The following MAPK6 variants were observed in gnomAD, a reference collection of about 807,000 sequenced individuals.
MAPK6 encodes ERK-3.
MAPK6 carries 19 observed loss-of-function variants against 59.3 expected under a neutral mutation model. The observed-to-expected ratio is 0.32, with a 90% CI of 0.22 to 0.47. The LOEUF (loss-of-function observed/expected upper bound fraction) is 0.47, where lower values mean the gene tolerates loss of function less well. MAPK6 is among the 20% of genes least tolerant of loss of function. MAPK6 has a pLI of 1.00. For synonymous variants in MAPK6, 316 were observed against 290.3 expected (o/e 1.09, Z -0.90); for missense variants, 724 against 847.9 (o/e 0.85, Z 1.81).
chr15:51,988,210 A>G (rs987296815), intron 2 of MAPK6, among the ~76,000 whole-genome samples: 3 of 152,198 alleles, frequency 2.0e-5, no homozygotes, highest in Non-Finnish European at 4.4e-5. Flanking sequence ...TCCAACATCT[A>G]AGGAAACTGA....
chr15:52,013,763 C>T (rs999873257), intron 3 of MAPK6, among the ~76,000 whole-genome samples: 1 of 152,160 alleles, frequency 6.6e-6, no homozygotes, highest in Non-Finnish European at 1.5e-5. Flanking sequence ...AGTATTGTTA[C>T]CAGAAGACCG....
At position 52,066,489 on chromosome 15, in the gene MAPK6, T is replaced by G. The variant is rs1471068378; in HGVS notation, c.*1489T>G. ...ACTTTGAACTGTGCAGTCAGAAAAC[T>G]TGAGATTTGCTCTGTAATACATCTT... On this transcript the variant is annotated 3_prime_UTR_variant, in exon 6 of 6. Coordinates refer to ENST00000261845, the MANE Select transcript of MAPK6 (RefSeq NM_002748.4). The G allele has an allele frequency of 2.6e-5, 4 of 152,362 alleles. No homozygotes were observed. The highest frequency in any genetic ancestry group is 2.1e-4 in the South Asian group (1 of 4,832). The allele number at this position is 152,362 out of a possible 1,614,324, so 9.4% of individuals were successfully genotyped here.
intron 3 of MAPK6, among the ~76,000 whole-genome samples, chr15:52,050,394 T>G (rs2031739506): frequency 6.6e-6 from 1 of 152,240 alleles, no homozygotes; most frequent in South Asian, 2.1e-4. Context: ...TTGTTGGTAA[T>G]TTGTGTTGAT....
At chr15:51,988,334 G>T (rs142287300) in intron 2 of MAPK6, among the ~76,000 whole-genome samples, 154 of 152,060 alleles carry the variant, frequency 1.0e-3, no homozygotes, top group African/African-American at 3.6e-3. Flanking sequence ...AAGGAGAGGA[G>T]AAAAAGAAAA....
At chr15:52,016,058 GCGCGCGCGCGCGCA>G (rs2030239027), upstream of MAPK6, among the ~76,000 whole-genome samples, 1 of 54,868 alleles carries the variant, frequency 1.8e-5, no homozygotes, top group South Asian at 8.7e-4. Flanking sequence ...TCCATCGCGC[GCGCGCGCGCGCGCA>G]CACACACACA....
intron 3 of MAPK6, among the ~76,000 whole-genome samples, chr15:52,056,361 A>C (rs1186738462): frequency 6.6e-6 from 1 of 152,092 alleles, no homozygotes; most frequent in Non-Finnish European, 1.5e-5. Context: ...AGTCTTACAA[A>C]ATAATCTGTC....
Position 52,027,120 on chromosome 15 carries a change from G to A in MAPK6, c.-632+7744G>A, listed in dbSNP as rs370127836. Among the ~76,000 whole-genome samples the A allele has an allele frequency of 5.9e-4, 89 of 151,998 alleles. 5 individuals carry two copies. The highest frequency in any genetic ancestry group is 1.9e-3 in the South Asian group (9 of 4,792). ...TGTAATCCCAGGACTTTGGGAGGCC[G>A]AGGCGGGCGGATCACAAGGTCAGGA... On this transcript the variant is annotated intron_variant, in intron 1 of 5. Coordinates refer to ENST00000261845, the MANE Select transcript of MAPK6 (RefSeq NM_002748.4).
chr15:52,013,017 AAAAATATATATATATATATATATATATAT>A (rs1444880615), intron 3 of MAPK6, among the ~76,000 whole-genome samples: 5 of 35,604 alleles, frequency 1.4e-4, no homozygotes, highest in African/African-American at 6.3e-4. Flanking sequence ...AAAAAAAAAA[AAAAATATATATATATATATATATATATAT>A]ATATATATAT....
In MAPK6 at chr15:52,064,953, C is replaced by G; in HGVS notation, c.2119C>G (p.Gln707Glu). ...LTPSAMKSSP[Q>E]IPHQTYSSIL... is the part of the protein sequence containing the mutation. ...ACCTTCTGCTATGAAATCTTCCCCT[C>G]AAATTCCTCATCAAACATACAGCAG... Residue 707 changes from glutamine to glutamate, a missense_variant, in exon 6 of 6, where the codon CAA (glutamine) becomes GAA (glutamate). Around this residue, in one of 4 missense-constraint regions of MAPK6, gnomAD observed 502 missense variants for 507.6 expected, o/e 0.99. Coordinates refer to ENST00000261845, the MANE Select transcript of MAPK6 (RefSeq NM_002748.4). 6.2e-7 allele frequency: 1 copy of G among 1,611,708 alleles called. No individual in the cohort carries two copies. Among genetic ancestry groups the G allele is most frequent in the African/African-American group, 1.3e-5 (1 of 74,986 alleles).
chr15:51,974,735 C>G (rs934006591), intron 1 of MAPK6, among the ~76,000 whole-genome samples: 1 of 149,870 alleles, frequency 6.7e-6, no homozygotes, highest in Non-Finnish European at 1.5e-5. Context: ...TCCCCCCCCG[C>G]AAGACAGAGT....
intron 1 of MAPK6, among the ~76,000 whole-genome samples, chr15:52,036,591 A>G (rs933465147): frequency 8.6e-5 from 13 of 152,014 alleles, no homozygotes; most frequent in African/African-American, 2.9e-4. Context: ...ATTAGGCCCC[A>G]CCTCCTAACA....
At chr15:52,050,416 A>G (rs905687359) in intron 3 of MAPK6, among the ~76,000 whole-genome samples, 3 of 152,214 alleles carry the variant, frequency 2.0e-5, no homozygotes, top group Admixed American at 6.5e-5. Flanking sequence ...CTTAAGTTGC[A>G]TAATTCTGTC....
intron 2 of MAPK6, among the ~76,000 whole-genome samples, chr15:51,992,305 A>ATATATATT (rs572519819): frequency 3.9e-5 from 4 of 101,422 alleles, no homozygotes; most frequent in African/African-American, 1.5e-4. Flanking sequence ...ATATATATAT[A>ATATATATT]TTTTTTTTTT....
At chr15:52,060,355 A>G (rs1261395774) in intron 4 of MAPK6, among the ~76,000 whole-genome samples, 3 of 152,232 alleles carry the variant, frequency 2.0e-5, no homozygotes, top group Non-Finnish European at 4.4e-5. Flanking sequence ...GTGAGTGACC[A>G]TAGTGAAGAG....
At chr15:52,019,507 C>T (rs1468638356) in intron 1 of MAPK6, 131 bp downstream of exon 1, 1 of 147,082 alleles carries the variant, frequency 6.8e-6, no homozygotes, top group Non-Finnish European at 1.5e-5. Context: ...GTGTGACCCT[C>T]CGGCGGCTGC....
At chr15:51,986,648 C>G (rs1031522517) in intron 2 of MAPK6, among the ~76,000 whole-genome samples, 5 of 152,174 alleles carry the variant, frequency 3.3e-5, no homozygotes, top group African/African-American at 1.2e-4. Context: ...TTTTCAGCCA[C>G]TAGTACCATA....
At chr15:52,029,549 C>G (rs2030949038) in intron 1 of MAPK6, among the ~76,000 whole-genome samples, 1 of 152,196 alleles carries the variant, frequency 6.6e-6, no homozygotes, top group Non-Finnish European at 1.5e-5. Context: ...AACTGCCTTG[C>G]TAGACATTAC....
rs766722888 is a variant in MAPK6 at position 52,064,146 on chromosome 15, C to G, written c.1312C>G (p.Leu438Val). 8.1e-6 allele frequency: 13 copies of G among 1,612,878 alleles called. No homozygotes were observed. Among genetic ancestry groups the G allele is most frequent in the Non-Finnish European group, 1.0e-5 (12 of 1,179,512 alleles). Residue 438 changes from leucine to valine, a missense_variant, in exon 6 of 6, where the codon CTG (leucine) becomes GTG (valine). Around this residue, in one of 4 missense-constraint regions of MAPK6, gnomAD observed 502 missense variants for 507.6 expected, o/e 0.99. Transcript: ENST00000261845. ...TCATCATGAAAACAAATATTGTGATCTGGAGTGTAGCCATACTTGTAACTA... is the reference window on the plus strand; with the variant it reads ...TCATCATGAAAACAAATATTGTGATGTGGAGTGTAGCCATACTTGTAACTA... ...SDHHENKYCD[L>V]ECSHTCNYKT...
chr15:52,016,327 T>G (rs568223879), upstream of MAPK6, among the ~76,000 whole-genome samples: 31 of 151,398 alleles, frequency 2.0e-4, no homozygotes, highest in East Asian at 5.9e-3. Context: ...AGGCGGAGGT[T>G]GCAGTGAGCC....
Sources: gnomAD v4.1 joint callset for allele counts (sites outside exome capture counted in the v4.1 genomes callset) on GRCh38, gnomAD v4.1.1 for gene constraint, gnomAD v4.1.1 regional missense constraint, MANE v1.5 for transcripts, NCBI Gene and HGNC (gene_info 2026-07-23, HGNC 2026-07-21) for gene names.